Variants in ITPR1 observed in about 807,000 individuals in gnomAD.
ITPR1 encodes the protein inositol 1,4,5-trisphosphate-gated calcium channel ITPR1.
In ITPR1, 96 loss-of-function variants were observed where a neutral mutation model predicts 318.4. The ratio of observed to expected loss-of-function variants is 0.30; its 90% CI spans 0.26 to 0.36. The LOEUF (loss-of-function observed/expected upper bound fraction) is 0.36, where lower values mean the gene tolerates loss of function less well. Among genes scored for constraint, ITPR1 ranks in the 10% least tolerant of loss-of-function variants. ITPR1 has a pLI of 1.00. For synonymous variants in ITPR1, 1,312 were observed against 1,289.9 expected (o/e 1.02, Z -0.37); for missense variants, 2,440 against 3,460.2 (o/e 0.71, Z 7.40).
intron 4 of ITPR1, among the ~76,000 whole-genome samples, chr3:4,596,607 T>C (rs1042657527): frequency 1.2e-4 from 18 of 152,360 alleles, no homozygotes; most frequent in Admixed American, 8.5e-4. Flanking sequence ...CCTTTTTGGT[T>C]TGAGGTCATA....
At position 4,662,317 on chromosome 3, in the gene ITPR1, A is replaced by G. The variant is rs1472741002; in HGVS notation, c.1412+75A>G. 2.3e-6 allele frequency: 3 copies of G among 1,320,520 alleles called. No homozygotes were observed. In the African/African-American group the frequency reaches 4.4e-5, roughly 20 times the overall value. 81.8% of individuals were successfully genotyped at this position (1,320,520 alleles called of 1,614,324 possible). On this transcript the variant is annotated intron_variant, in intron 15 of 61. Transcript: ENST00000649015. ...TCTGACATCCATGGGGTGGAGTGAG[A>G]GAATGGTGACTCTGAACAGCTAAAC...
At chr3:4,706,998 A>G (rs2094772102) in intron 37 of ITPR1, among the ~76,000 whole-genome samples, 1 of 152,206 alleles carries the variant, frequency 6.6e-6, no homozygotes, top group African/African-American at 2.4e-5. Flanking sequence ...GAATGAGCCC[A>G]CAAGCAGTGT....
At chr3:4,531,311 G>A (rs770900644) in intron 4 of ITPR1, among the ~76,000 whole-genome samples, 37 of 152,262 alleles carry the variant, frequency 2.4e-4, no homozygotes, top group Non-Finnish European at 3.4e-4. Context: ...GTCTCCATTC[G>A]ATATTGAATG....
At chr3:4,580,091 T>G (rs1198446413) in intron 4 of ITPR1, among the ~76,000 whole-genome samples, 2 of 151,872 alleles carry the variant, frequency 1.3e-5, no homozygotes, top group Non-Finnish European at 2.9e-5. Context: ...GAGCCTGTAG[T>G]CCCAGCTACC....
intron 44 of ITPR1, among the ~76,000 whole-genome samples, chr3:4,741,375 C>T (rs1220813241): frequency 6.6e-6 from 1 of 152,190 alleles, no homozygotes; most frequent in Non-Finnish European, 1.5e-5. Flanking sequence ...TGGCTGCCCA[C>T]GTCTATTCCT....
intron 4 of ITPR1, among the ~76,000 whole-genome samples, chr3:4,552,958 C>T (rs1242830299): frequency 6.6e-6 from 1 of 152,156 alleles, no homozygotes; most frequent in Non-Finnish European, 1.5e-5. Context: ...TTATTTTATG[C>T]CTAACTCCGC....
chr3:4,799,654 G>A (rs1338371298), intron 53 of ITPR1: 6 of 151,818 alleles, frequency 4.0e-5, no homozygotes, highest in African/African-American at 7.3e-5. Flanking sequence ...TTTTTTTAAT[G>A]AGTGTTTTAC....
chr3:4,530,523 C>T (rs1559393513), intron 4 of ITPR1, among the ~76,000 whole-genome samples: 1 of 152,214 alleles, frequency 6.6e-6, no homozygotes, highest in Non-Finnish European at 1.5e-5. Context: ...GTGGCTCATG[C>T]CTGCAATCCC....
At chr3:4,533,070 C>A (rs2083550186) in intron 4 of ITPR1, among the ~76,000 whole-genome samples, 1 of 152,058 alleles carries the variant, frequency 6.6e-6, no homozygotes, top group African/African-American at 2.4e-5. Flanking sequence ...CTGTGGAAGC[C>A]CTATGGTTGG....
At chr3:4,626,675 C>T (rs188819253) in intron 4 of ITPR1, among the ~76,000 whole-genome samples, 6 of 152,260 alleles carry the variant, frequency 3.9e-5, no homozygotes, top group African/African-American at 9.6e-5. Context: ...GGAAGCACAT[C>T]GCAGTGCACT....
intron 36 of ITPR1, among the ~76,000 whole-genome samples, chr3:4,704,473 G>A (rs1206519777): frequency 2.6e-5 from 4 of 152,072 alleles, no homozygotes; most frequent in African/African-American, 7.2e-5. Flanking sequence ...TGATGGGTTC[G>A]ATCATACCCT....
At chr3:4,608,995 C>T (rs796625829) in intron 4 of ITPR1, among the ~76,000 whole-genome samples, 7 of 100,702 alleles carry the variant, frequency 7.0e-5, no homozygotes, top group African/African-American at 1.4e-4. Flanking sequence ...AGTGAGACTC[C>T]GTCTTTAAAA....
chr3:4,800,654 C>A (rs1575299417), intron 54 of ITPR1, 54 bp downstream of exon 54: 1 of 1,543,266 alleles, frequency 6.5e-7, no homozygotes, highest in Non-Finnish European at 8.9e-7. Flanking sequence ...AATAGGAATG[C>A]CTTGCACTCT....
At chr3:4,645,332 A>G (rs374626812) in intron 8 of ITPR1, 55 bp from the exon 9 acceptor site, 5 of 1,219,046 alleles carry the variant, frequency 4.1e-6, no homozygotes, top group Non-Finnish European at 6.0e-6. Flanking sequence ...TGGGGGCTGG[A>G]TGACACAGTT....
intron 12 of ITPR1, among the ~76,000 whole-genome samples, chr3:4,654,108 G>A (rs975140302): frequency 3.9e-5 from 6 of 152,208 alleles, no homozygotes; most frequent in Admixed American, 6.5e-5. Context: ...GTATTTCCAT[G>A]TGTAGTAACG....
At chr3:4,845,160 C>G (rs893532993) in intron 61 of ITPR1, among the ~76,000 whole-genome samples, 7 of 152,296 alleles carry the variant, frequency 4.6e-5, no homozygotes, top group African/African-American at 9.6e-5. Flanking sequence ...GATTCCAAAG[C>G]CTTTATTCTT....
At chr3:4,532,880 A>C (rs917780874) in intron 4 of ITPR1, among the ~76,000 whole-genome samples, 1 of 152,236 alleles carries the variant, frequency 6.6e-6, no homozygotes, top group Non-Finnish European at 1.5e-5. Context: ...CTGAGCAGTT[A>C]CTCAAAGAAG....
chr3:4,751,948 A>G (rs2044562344), intron 44 of ITPR1, among the ~76,000 whole-genome samples: 2 of 152,118 alleles, frequency 1.3e-5, no homozygotes, highest in Non-Finnish European at 2.9e-5. Context: ...GGAGAAATCT[A>G]TGCCCGCTCA....
chr3:4,839,187 C>T (rs934512048), intron 61 of ITPR1, among the ~76,000 whole-genome samples: 4 of 152,216 alleles, frequency 2.6e-5, no homozygotes, highest in East Asian at 1.9e-4. Flanking sequence ...ATTAGCTGGA[C>T]GTGGTGGCAC....
Sources: allele counts gnomAD v4.1 joint callset (sites outside exome capture counted in the v4.1 genomes callset), GRCh38; gene constraint gnomAD v4.1.1; transcripts MANE v1.5; gene names NCBI Gene and HGNC (gene_info 2026-07-23, HGNC 2026-07-21).